Variants in ENOX2 observed in about 807,000 individuals in gnomAD.
The protein encoded by ENOX2 is APK1 antigen.
A neutral mutation model predicts 45.0 loss-of-function variants in ENOX2; 36 were observed. The ratio of observed to expected loss-of-function variants is 0.80; its 90% CI spans 0.61 to 1.06. The LOEUF is 1.06. Ranked by LOEUF, ENOX2 falls within the 50% of genes least tolerant of loss-of-function variation. The pLI is 0.00. For missense variants in ENOX2, 423 were observed against 462.5 expected (o/e 0.91, Z 0.78); for synonymous variants, 174 against 152.3 (o/e 1.14, Z -1.05).
intron 10 of ENOX2, among the ~76,000 whole-genome samples, chrX:130,650,185 C>T (rs913884395): frequency 8.9e-6 from 1 of 112,065 alleles, no homozygotes; most frequent in Admixed American, 9.5e-5. Context: ...GAGAAAAGGG[C>T]AGAGATCTAG....
At chrX:130,824,388 T>C (rs751153738) in intron 2 of ENOX2, among the ~76,000 whole-genome samples, 2 of 111,894 alleles carry the variant, frequency 1.8e-5, no homozygotes, top group East Asian at 5.6e-4. Flanking sequence ...GCAACTCTCG[T>C]ACATTTGCAG....
intron 3 of ENOX2, among the ~76,000 whole-genome samples, chrX:130,778,303 T>C (rs1230242276): frequency 8.9e-6 from 1 of 112,123 alleles, no homozygotes; most frequent in Non-Finnish European, 1.9e-5. Context: ...ATTCTGATAA[T>C]AGTTCTTCTT....
At chrX:130,823,766 C>G (rs1010246857) in intron 2 of ENOX2, among the ~76,000 whole-genome samples, 1 of 111,503 alleles carries the variant, frequency 9.0e-6, no homozygotes, top group Non-Finnish European at 1.9e-5. Context: ...ACTTATCTTT[C>G]TTCTTCATTA....
intron 4 of ENOX2, among the ~76,000 whole-genome samples, chrX:130,695,362 G>A (rs1364520248): frequency 9.0e-6 from 1 of 111,716 alleles, no homozygotes; most frequent in African/African-American, 3.3e-5. Flanking sequence ...ATTGGAGGCA[G>A]GCAAAGGTAG....
intron 2 of ENOX2, among the ~76,000 whole-genome samples, chrX:130,853,440 G>T (rs749269815): frequency 0.013 from 1,316 of 97,748 alleles, 39 homozygotes; most frequent in African/African-American, 0.047. Context: ...CTCCAGCCTG[G>T]GTGACAGAGC....
At chrX:130,774,384 T>C (rs753301807) in intron 3 of ENOX2, among the ~76,000 whole-genome samples, 16 of 112,047 alleles carry the variant, frequency 1.4e-4, no homozygotes, top group Non-Finnish European at 2.8e-4. Flanking sequence ...GGTTTGAATC[T>C]CACCTCCTCT....
Position 130,835,815 on chromosome X carries a change from T to C in ENOX2, c.-182-52125A>G, listed in dbSNP as rs192305218. On this transcript the variant is annotated intron_variant, in intron 2 of 14. Coordinates refer to ENST00000394363, the MANE Select transcript of ENOX2 (RefSeq NM_006375.4). ...TATTACTCTACTGAAATAAGTTATG[T>C]CACATAAATTACCATGAATGTTTTG... Among the ~76,000 whole-genome samples, 46 of 112,179 alleles carry C rather than the reference T, an allele frequency of 4.1e-4. 2 individuals carry two copies. Among genetic ancestry groups the C allele is most frequent in the Non-Finnish European group, 2.8e-4 (15 of 53,279 alleles).
chrX:130,809,182 A>C (rs1370417223), intron 2 of ENOX2, among the ~76,000 whole-genome samples: 1 of 112,541 alleles, frequency 8.9e-6, no homozygotes, highest in Admixed American at 9.4e-5. Flanking sequence ...TGAAGATATC[A>C]GAAAATTACA....
chrX:130,810,768 G>C (rs2077377679), intron 2 of ENOX2, among the ~76,000 whole-genome samples: 2 of 112,066 alleles, frequency 1.8e-5, no homozygotes, highest in African/African-American at 6.5e-5. Flanking sequence ...TGCCCCAACA[G>C]ACGAAGGGTC....
intron 12 of ENOX2, among the ~76,000 whole-genome samples, chrX:130,634,287 G>C (rs2035868053): frequency 1.8e-5 from 2 of 112,146 alleles, no homozygotes; most frequent in East Asian, 5.6e-4. Context: ...CATCAGCTGA[G>C]TATTGATGCA....
At chrX:130,748,364 C>T (rs2039141832) in intron 3 of ENOX2, among the ~76,000 whole-genome samples, 1 of 112,074 alleles carries the variant, frequency 8.9e-6, no homozygotes, top group Non-Finnish European at 1.9e-5. Flanking sequence ...TGAAGTAATA[C>T]AGGTTACACA....
chrX:130,752,512 TTGTCTCAGTGTGTCTCTCAATCAC>T (rs1274958373), intron 3 of ENOX2, among the ~76,000 whole-genome samples: 1 of 110,701 alleles, frequency 9.0e-6, no homozygotes, highest in Non-Finnish European at 1.9e-5. Flanking sequence ...TCTAAGTGTC[TTGTCTCAGTGTGTCTCTCAATCAC>T]TGTCTCAGTG....
chrX:130,826,075 T>C (rs188867109), intron 2 of ENOX2, among the ~76,000 whole-genome samples: 9 of 111,237 alleles, frequency 8.1e-5, no homozygotes, highest in Admixed American at 3.8e-4. Flanking sequence ...TCTGGGAACA[T>C]ATTCCCTGCA....
intron 2 of ENOX2, among the ~76,000 whole-genome samples, chrX:130,825,687 C>A (rs1343168563): frequency 9.0e-6 from 1 of 111,175 alleles, no homozygotes; most frequent in Admixed American, 9.6e-5. Context: ...CTCACTCATT[C>A]TACTCCATTT....
At chrX:130,758,435 T>C (rs1381012884) in intron 3 of ENOX2, among the ~76,000 whole-genome samples, 1 of 112,662 alleles carries the variant, frequency 8.9e-6, no homozygotes, top group Non-Finnish European at 1.9e-5. Flanking sequence ...ATCGATGTTG[T>C]TGCATGTGTT....
At chrX:130,830,586 C>T (rs960330639) in intron 2 of ENOX2, among the ~76,000 whole-genome samples, 6 of 112,225 alleles carry the variant, frequency 5.3e-5, no homozygotes, top group Non-Finnish European at 1.1e-4. Flanking sequence ...GCTTAGACTG[C>T]AGATGTTCCT....
At chrX:130,833,011 T>G (rs771095103) in intron 2 of ENOX2, among the ~76,000 whole-genome samples, 1 of 82,995 alleles carries the variant, frequency 1.2e-5, no homozygotes, top group African/African-American at 4.3e-5. Context: ...TCATGTATAA[T>G]CACACACACA....
Position 130,703,188 on chromosome X carries a change from G to A in ENOX2, c.29C>T (p.Ala10Val), listed in dbSNP as rs2037945991. ...AAGATTATTCATTGCTGTGGCCCAT[G>A]CAGTTGGATCAGACATAGGTAGTGT... is the stretch of plus-strand genomic sequence containing the variant. Reference protein sequence around the residue: MTLPMSDPTAWATAMNNLGM... With the variant: MTLPMSDPTVWATAMNNLGM... The change falls in exon 4 of 15, where the codon GCA becomes GTA. Residue 10 changes from alanine (A) to valine (V), a missense_variant. Transcript: ENST00000394363. 8.3e-7 allele frequency: 1 copy of A among 1,205,795 alleles called. No homozygotes were observed. Among genetic ancestry groups the A allele is most frequent in the South Asian group, 1.8e-5 (1 of 56,529 alleles).
intron 3 of ENOX2, among the ~76,000 whole-genome samples, chrX:130,708,587 G>T (rs2038100376): frequency 8.9e-6 from 1 of 111,993 alleles, no homozygotes; most frequent in Non-Finnish European, 1.9e-5. Flanking sequence ...ATATTTTTCT[G>T]ATCTTTTTCC....
Sources: gnomAD v4.1 joint callset for allele counts (sites outside exome capture counted in the v4.1 genomes callset) on GRCh38, gnomAD v4.1.1 for gene constraint, MANE v1.5 for transcripts, NCBI Gene and HGNC (gene_info 2026-07-23, HGNC 2026-07-21) for gene names.